PCNX2: variants seen among roughly 807,000 people sequenced by gnomAD.
The protein encoded by PCNX2 is pecanex-like protein 2.
A neutral mutation model predicts 223.8 loss-of-function variants in PCNX2; 168 were observed. That is an observed-to-expected ratio of 0.75 (90% CI 0.66 to 0.85). The LOEUF (loss-of-function observed/expected upper bound fraction) is 0.85, where lower values mean the gene tolerates loss of function less well. Ranked by LOEUF, PCNX2 falls within the 40% of genes least tolerant of loss-of-function variation. The pLI is 0.00. For missense variants in PCNX2, 2,507 were observed against 2,675.5 expected, an observed-to-expected ratio of 0.94 and a Z score of 1.39; for synonymous variants, 1,006 against 1,052.6, an observed-to-expected ratio of 0.96 and a Z score of 0.86.
Position 233,295,142 on chromosome 1 carries a change from T to C in PCNX2, c.153+184A>G, listed in dbSNP as rs557774730. The stretch of plus-strand genomic sequence containing the variant: ...CCTGTCTACTTCTTTTCTTTTCCAG[T>C]GAATCCTCACAGTCCCCTTTCCCTG... On this transcript the variant is annotated intron_variant, in intron 1 of 33. Transcript: ENST00000258229. This position sits in a 1 kb window ranked among gnomAD's most constrained non-coding sequence, Gnocchi z 4.1. 1.7e-4 allele frequency among the ~76,000 whole-genome samples: 26 copies of C among 152,260 alleles called. No homozygotes were observed. In the South Asian group the frequency reaches 5.4e-3, roughly 32 times the overall value.
At chr1:233,230,085 A>C (rs1657973602) in intron 9 of PCNX2, among the ~76,000 whole-genome samples, 1 of 152,244 alleles carries the variant, frequency 6.6e-6, no homozygotes, top group African/African-American at 2.4e-5. Context: ...TATATGTTGA[A>C]AACTGAAAAC....
At position 232,986,212 on chromosome 1, in the gene PCNX2, G is replaced by A. The variant is rs377349180; in HGVS notation, c.6120C>T (p.Ser2040=). The change falls in exon 33 of 34, where the codon AGC becomes AGT. Residue 2040 remains serine (S), a synonymous_variant. Coordinates refer to ENST00000258229, the MANE Select transcript of PCNX2 (RefSeq NM_014801.4). ...CAGAGAGTCCGGAAATGACGAGCGC[G>A]CTGGAAAAGCTCCTCTTGCCGAAGA... The part of the protein sequence containing the change: ...SFLFGKRSFS[S]ALVISGLSAA... The A allele has an allele frequency of 8.1e-5, 126 of 1,559,000 alleles. No individual in the cohort carries two copies. The highest frequency in any genetic ancestry group is 9.5e-5 in the Non-Finnish European group (109 of 1,151,024).
intron 19 of PCNX2, among the ~76,000 whole-genome samples, chr1:233,151,337 C>T (rs1439552249): frequency 2.0e-5 from 3 of 152,194 alleles, no homozygotes; most frequent in African/African-American, 7.2e-5. Flanking sequence ...ACCACAGTGG[C>T]CACACCGACT....
chr1:233,051,038 G>A (rs1312466674), intron 25 of PCNX2, among the ~76,000 whole-genome samples: 1 of 151,984 alleles, frequency 6.6e-6, no homozygotes, highest in Non-Finnish European at 1.5e-5. Context: ...CTTCTCAAAA[G>A]AAGACATACA....
chr1:233,218,747 T>C lies in PCNX2; in HGVS notation c.2505-563A>G, dbSNP rs544102401. Among the ~76,000 whole-genome samples the C allele has an allele frequency of 7.2e-5, 11 of 152,206 alleles. No homozygotes were observed. The South Asian group carries it at 1.7e-3, about 23-fold the overall frequency. On this transcript the variant is annotated intron_variant, in intron 10 of 33. Coordinates refer to ENST00000258229, the MANE Select transcript of PCNX2 (RefSeq NM_014801.4). ...TTGAAGCAAATAAAATCTCATCCCA[T>C]TGGATCTGCTTGGCCACTAAACTGG...
chr1:233,067,223 C>T (rs7515013), intron 23 of PCNX2, among the ~76,000 whole-genome samples: 52,435 of 150,752 alleles, frequency 0.35, 12,089 homozygotes, highest in African/African-American at 0.67. Flanking sequence ...AACAGGAAGA[C>T]CTCAAAATGA....
intron 25 of PCNX2, among the ~76,000 whole-genome samples, chr1:233,044,198 A>T (rs1376638474): frequency 6.6e-6 from 1 of 152,144 alleles, no homozygotes; most frequent in African/African-American, 2.4e-5. Context: ...TGGCTGCATA[A>T]ATGTCTTCTT....
intron 9 of PCNX2, among the ~76,000 whole-genome samples, chr1:233,235,479 A>G (rs1437073245): frequency 2.0e-5 from 3 of 152,118 alleles, no homozygotes; most frequent in African/African-American, 7.2e-5. Flanking sequence ...AGTCATCCCT[A>G]CACTCCCCAC....
intron 24 of PCNX2, 119 bp from the exon 25 acceptor site, chr1:233,054,602 A>ATGT (rs1672121151): frequency 1.3e-6 from 1 of 792,898 alleles, no homozygotes; most frequent in Non-Finnish European, 2.0e-6. Context: ...TATACATAAA[A>ATGT]GAGGAAAGAT....
intron 8 of PCNX2, among the ~76,000 whole-genome samples, chr1:233,247,911 G>A (rs1460607810): frequency 6.6e-6 from 1 of 150,894 alleles, no homozygotes; most frequent in African/African-American, 2.4e-5. Context: ...GAGATTGCAG[G>A]TGTGAGCCAC....
intron 15 of PCNX2, among the ~76,000 whole-genome samples, chr1:233,182,537 A>G (rs1679863176): frequency 6.6e-6 from 1 of 152,138 alleles, no homozygotes; most frequent in Non-Finnish European, 1.5e-5. Context: ...CCCTTCACTC[A>G]GTATCTTTCA....
chr1:233,272,798 T>C (rs923446557), intron 1 of PCNX2, among the ~76,000 whole-genome samples: 1 of 152,202 alleles, frequency 6.6e-6, no homozygotes, highest in Admixed American at 6.5e-5. Context: ...ATATTTACCA[T>C]GGAATACTAT....
In PCNX2 at chr1:233,262,148, T is replaced by A; in HGVS notation, c.377A>T (p.His126Leu). ...ACTGGCCTCTTCCTTTTTGCCATTGTGAATCTGCCTATTATTGCTAACCCA... is the reference window on the plus strand; with the variant it reads ...ACTGGCCTCTTCCTTTTTGCCATTGAGAATCTGCCTATTATTGCTAACCCA... Reference protein sequence around the residue: ...HRNPSNNRQIHNGKKEEASRN... With the variant: ...HRNPSNNRQILNGKKEEASRN... Residue 126 changes from histidine (H) to leucine (L), a missense_variant, in exon 3 of 34, where the codon CAC (histidine) becomes CTC (leucine). His to Leu is a moderately conservative substitution (Grantham distance 99, BLOSUM62 -3). Transcript: ENST00000258229. 1.2e-6 allele frequency: 2 copies of A among 1,613,782 alleles called. No individual in the cohort carries two copies. Among genetic ancestry groups the A allele is most frequent in the Non-Finnish European group, 1.7e-6 (2 of 1,179,758 alleles).
chr1:233,057,924 C>T, intron 23 of PCNX2: 1 of 985,334 alleles, frequency 1.0e-6, no homozygotes, highest in East Asian at 1.1e-4. Flanking sequence ...GAACAGTGTC[C>T]ACAAAGGTAT....
intron 5 of PCNX2, among the ~76,000 whole-genome samples, chr1:233,255,701 C>T (rs1166045296): frequency 3.9e-5 from 6 of 152,148 alleles, no homozygotes; most frequent in African/African-American, 1.4e-4. Context: ...TTAGAGAGAA[C>T]TGGAGAATTG....
intron 21 of PCNX2, among the ~76,000 whole-genome samples, chr1:233,096,590 TCAGTCAGTATCC>T (rs1259327782): frequency 6.6e-6 from 1 of 152,110 alleles, no homozygotes; most frequent in Non-Finnish European, 1.5e-5. Context: ...CTAGATGCGG[TCAGTCAGTATCC>T]CACCAGGATT....
chr1:233,093,522 T>G (rs1302838032), intron 22 of PCNX2, among the ~76,000 whole-genome samples: 3 of 152,198 alleles, frequency 2.0e-5, no homozygotes, highest in Non-Finnish European at 4.4e-5. Context: ...CTTAATAACT[T>G]AATAGCTTTG....
rs533781837 is a variant in PCNX2, at chr1:233,035,095, T to C, written c.4352-9696A>G. ...CAAGAGATAAGAGGAAACATGGAGA[T>C]AATGGGACTTCAAAGGGACGTTAAA... is the stretch of plus-strand genomic sequence containing the variant. On this transcript the variant is annotated intron_variant, in intron 25 of 33. Coordinates refer to ENST00000258229, the MANE Select transcript of PCNX2 (RefSeq NM_014801.4). 3.3e-5 allele frequency among the ~76,000 whole-genome samples: 5 copies of C among 152,246 alleles called. No individual in the cohort carries two copies. In the South Asian group the frequency reaches 1.0e-3, roughly 32 times the overall value.
chr1:233,101,990 C>T (rs969017135), intron 21 of PCNX2, among the ~76,000 whole-genome samples: 1 of 152,016 alleles, frequency 6.6e-6, no homozygotes, highest in African/African-American at 2.4e-5. Flanking sequence ...TTAAACTGTT[C>T]CAGTAAGGTG....
Sources: gnomAD v4.1 joint callset for allele counts (sites outside exome capture counted in the v4.1 genomes callset) on GRCh38, gnomAD v4.1.1 for gene constraint, Gnocchi (gnomAD v3.1) non-coding constraint, MANE v1.5 for transcripts, NCBI Gene and HGNC (gene_info 2026-07-23, HGNC 2026-07-21) for gene names.